Variants in PLEKHG1 observed in about 807,000 individuals in gnomAD.
PLEKHG1 encodes the protein pleckstrin homology and RhoGEF domain containing G1.
In PLEKHG1, 44 loss-of-function variants were observed where a neutral mutation model predicts 100.8. The ratio of observed to expected loss-of-function variants is 0.44; its 90% CI spans 0.34 to 0.56. The LOEUF (loss-of-function observed/expected upper bound fraction) is 0.56, where lower values mean the gene tolerates loss of function less well. PLEKHG1 is among the 20% of genes least tolerant of loss of function. PLEKHG1 has a pLI of 0.01. For synonymous variants in PLEKHG1, 640 were observed against 662.5 expected, an observed-to-expected ratio of 0.97 and a Z score of 0.52; for missense variants, 1,545 against 1,720.9, an observed-to-expected ratio of 0.90 and a Z score of 1.81.
chr6:150,626,510 G>A (rs1777519017), intron 1 of PLEKHG1, among the ~76,000 whole-genome samples: 1 of 152,082 alleles, frequency 6.6e-6, no homozygotes, highest in African/African-American at 2.4e-5. Flanking sequence ...TTTACTGCCG[G>A]GCTCTCCGGA....
intron 3 of PLEKHG1, among the ~76,000 whole-genome samples, chr6:150,686,406 G>A (rs939034982): frequency 7.2e-5 from 11 of 152,136 alleles, no homozygotes; most frequent in Admixed American, 7.2e-4. Flanking sequence ...ATGCCTGAAA[G>A]CTCTTCCAAT....
At chr6:150,768,406 T>C (rs1322452702) in intron 2 of PLEKHG1, among the ~76,000 whole-genome samples, 1 of 152,130 alleles carries the variant, frequency 6.6e-6, no homozygotes, top group Non-Finnish European at 1.5e-5. Flanking sequence ...CTAATATATT[T>C]AGGGAGTAGA....
intron 3 of PLEKHG1, among the ~76,000 whole-genome samples, chr6:150,659,358 T>C (rs1779094355): frequency 6.6e-6 from 1 of 152,136 alleles, no homozygotes; most frequent in Non-Finnish European, 1.5e-5. Context: ...CTCTCTCTGC[T>C]CCTTGGATTG....
At chr6:150,755,179 T>C (rs1424193389) in intron 2 of PLEKHG1, among the ~76,000 whole-genome samples, 1 of 151,236 alleles carries the variant, frequency 6.6e-6, no homozygotes, top group African/African-American at 2.4e-5. Flanking sequence ...TCTCACTTTG[T>C]TGCCCAGACT....
At chr6:150,628,561 C>CACACACAT (rs1174236408) in intron 1 of PLEKHG1, among the ~76,000 whole-genome samples, 2 of 150,038 alleles carry the variant, frequency 1.3e-5, no homozygotes, top group African/African-American at 4.9e-5. Flanking sequence ...CACACACACA[C>CACACACAT]ACACACACAC....
At chr6:150,737,033 A>G (rs1782595718) in intron 2 of PLEKHG1, among the ~76,000 whole-genome samples, 1 of 152,152 alleles carries the variant, frequency 6.6e-6, no homozygotes, top group South Asian at 2.1e-4. Context: ...CCTCTGTTCC[A>G]GAAGTCACTA....
intron 2 of PLEKHG1, among the ~76,000 whole-genome samples, chr6:150,748,767 G>T (rs184174290): frequency 6.6e-6 from 1 of 151,610 alleles, no homozygotes; most frequent in African/African-American, 2.4e-5. Context: ...GATTACAGAC[G>T]CACCCCCACC....
intron 1 of PLEKHG1, among the ~76,000 whole-genome samples, chr6:150,724,400 G>A (rs9478796): frequency 0.2 from 30,232 of 151,916 alleles, 4,289 homozygotes; most frequent in African/African-American, 0.4. Context: ...GTCCCTCTCT[G>A]AGTGGTAACA....
chr6:150,675,713 C>T (rs1449600817), intron 3 of PLEKHG1, among the ~76,000 whole-genome samples: 1 of 152,216 alleles, frequency 6.6e-6, no homozygotes, highest in Non-Finnish European at 1.5e-5. Flanking sequence ...TCTCAAACTT[C>T]TGACCTCAAG....
chr6:150,807,894 A>G (rs963469776), intron 7 of PLEKHG1, among the ~76,000 whole-genome samples: 1 of 152,104 alleles, frequency 6.6e-6, no homozygotes, highest in African/African-American at 2.4e-5. Flanking sequence ...GCTTGAACCC[A>G]GGAGGGAGAG....
intron 14 of PLEKHG1, among the ~76,000 whole-genome samples, chr6:150,830,334 A>C (rs1378374972): frequency 1.3e-5 from 2 of 152,198 alleles, no homozygotes; most frequent in Non-Finnish European, 2.9e-5. Flanking sequence ...AAGTCAGTTA[A>C]ACACTCAGCC....
chr6:150,710,597 A>C lies in PLEKHG1; in HGVS notation c.-98-22987A>C, dbSNP rs894470284. 3.3e-5 allele frequency among the ~76,000 whole-genome samples: 5 copies of C among 152,148 alleles called. 1 individual carries two copies. Among genetic ancestry groups the C allele is most frequent in the Admixed American group, 1.3e-4 (2 of 15,270 alleles). Reference sequence around the variant, plus strand: ...GCATTACCCCAGAGTGGAGAAGGAAAGTAGTACCTACTTTAATAAAGGGGC... The same window carrying C: ...GCATTACCCCAGAGTGGAGAAGGAACGTAGTACCTACTTTAATAAAGGGGC... On this transcript the variant is annotated intron_variant, in intron 3 of 3. Coordinates refer to the PLEKHG1 transcript ENST00000367326.
intron 7 of PLEKHG1, among the ~76,000 whole-genome samples, chr6:150,804,948 T>C (rs564722208): frequency 1.1e-4 from 17 of 152,160 alleles, no homozygotes; most frequent in Admixed American, 9.8e-4. Context: ...CTTTTTTTTT[T>C]TTTTGAGATG....
At chr6:150,657,398 C>T (rs963263087) in intron 3 of PLEKHG1, among the ~76,000 whole-genome samples, 3 of 152,168 alleles carry the variant, frequency 2.0e-5, no homozygotes, top group Non-Finnish European at 4.4e-5. Context: ...CAATGGGCTT[C>T]GCTTGTGAAA....
chr6:150,763,024 CTTTTTTTTTT>C (rs60462437), intron 2 of PLEKHG1, among the ~76,000 whole-genome samples: 1 of 76,530 alleles, frequency 1.3e-5, no homozygotes, highest in Non-Finnish European at 2.1e-5. Flanking sequence ...GATAAAGCTT[CTTTTTTTTTT>C]TTTTTTTTTT....
At position 150,734,100 on chromosome 6, in the gene PLEKHG1, C is replaced by T. The variant is rs112699245; in HGVS notation, c.411+8C>T. 1.1e-3 allele frequency: 1,811 copies of T among 1,592,420 alleles called. 27 individuals carry two copies. The African/African-American group carries it at 0.021, about 19-fold the overall frequency. The stretch of plus-strand genomic sequence containing the variant: ...TTAAAAAGCATCGTAGAGGTAAGAC[C>T]GACTTCGCTTTTAATGTTTGCCATG... On this transcript the variant is annotated splice_region_variant and intron_variant, in intron 2 of 15. Transcript: ENST00000358517.
chr6:150,636,490 G>GT (rs34812418), intron 1 of PLEKHG1, among the ~76,000 whole-genome samples: 137,018 of 151,394 alleles, frequency 0.91, 62,070 homozygotes, highest in Admixed American at 0.92. Context: ...TTTTTTTTCT[G>GT]TTTTTTGGTT....
chr6:150,837,641 G>C (rs1438176201), intron 15 of PLEKHG1, among the ~76,000 whole-genome samples: 1 of 152,258 alleles, frequency 6.6e-6, no homozygotes, highest in Non-Finnish European at 1.5e-5. Flanking sequence ...GGGCTATACT[G>C]TATGTGAGAA....
chr6:150,631,783 G>A (rs1487494776), intron 1 of PLEKHG1, among the ~76,000 whole-genome samples: 3 of 152,216 alleles, frequency 2.0e-5, no homozygotes, highest in African/African-American at 7.2e-5. Context: ...GGAACAGAGG[G>A]TAGGACAGAG....
Sources: allele counts gnomAD v4.1 joint callset (sites outside exome capture counted in the v4.1 genomes callset), GRCh38; gene constraint gnomAD v4.1.1; transcripts MANE v1.5; gene names NCBI Gene and HGNC (gene_info 2026-07-23, HGNC 2026-07-21).